Variants in SERPINB5 observed in about 807,000 individuals in gnomAD.
SERPINB5 encodes serpin B5.
In SERPINB5, 27 loss-of-function variants were observed where a neutral mutation model predicts 32.2. The ratio of observed to expected loss-of-function variants is 0.84; its 90% CI spans 0.62 to 1.16. The LOEUF is 1.16. Ranked by LOEUF, SERPINB5 falls within the 50% of genes most tolerant of loss-of-function variation. SERPINB5 has a pLI of 0.00. For missense variants in SERPINB5, 388 were observed against 436.3 expected (o/e 0.89, Z 0.99); for synonymous variants, 154 against 157.4 (o/e 0.98, Z 0.16).
rs773690640 is a variant in SERPINB5 at position 63,503,769 on chromosome 18, G to A, written c.*47G>A. On this transcript the variant is annotated 3_prime_UTR_variant, in exon 7 of 7. Coordinates refer to ENST00000382771, the MANE Select transcript of SERPINB5 (RefSeq NM_002639.5). Reference sequence around the variant, plus strand: ...CCTCCCTGACTTTTCTGTGGATGCCGATTTCTGTAAACTCTGCATCCAGAG... The same window carrying A: ...CCTCCCTGACTTTTCTGTGGATGCCAATTTCTGTAAACTCTGCATCCAGAG... 9.0e-5 allele frequency: 141 copies of A among 1,565,488 alleles called. No individual in the cohort carries two copies. Among genetic ancestry groups the A allele is most frequent in the Admixed American group, 1.8e-4 (10 of 54,548 alleles).
intron 4 of SERPINB5, among the ~76,000 whole-genome samples, chr18:63,491,516 C>T (rs889512727): frequency 2.6e-5 from 4 of 151,246 alleles, no homozygotes; most frequent in African/African-American, 9.7e-5. Context: ...GCTCTGTCGC[C>T]CAGGCTGGAG....
Position 63,493,061 on chromosome 18 carries a change from C to G in SERPINB5, c.533C>G (p.Ser178Ter). 6.2e-7 allele frequency: 1 copy of G among 1,614,178 alleles called. No individual in the cohort carries two copies. The highest frequency in any genetic ancestry group is 1.1e-5 in the South Asian group (1 of 91,082). The change falls in exon 5 of 7, where the codon TCA becomes TGA. Residue 178 changes from serine (S) to a stop codon, truncating the protein, a stop_gained. Coordinates refer to ENST00000382771, the MANE Select transcript of SERPINB5 (RefSeq NM_002639.5). LOFTEE classifies it high-confidence loss of function. ...AAGTGGATGAAGAAATTTTCTGAAT[C>G]AGAAACAAAAGAATGTCCTTTCAGA... ...VGKWMKKFSE[S>*]ETKECPFRVN...
intron 5 of SERPINB5, among the ~76,000 whole-genome samples, chr18:63,496,571 A>T (rs1221623434): frequency 1.3e-5 from 2 of 152,232 alleles, no homozygotes; most frequent in Non-Finnish European, 2.9e-5. Flanking sequence ...GGTATATACA[A>T]AAGTAAAATA....
intron 4 of SERPINB5, among the ~76,000 whole-genome samples, chr18:63,492,429 A>T (rs923758948): frequency 6.6e-6 from 1 of 152,224 alleles, no homozygotes; most frequent in Non-Finnish European, 1.5e-5. Context: ...TCTTTGCCTT[A>T]TAGGACCATT....
At chr18:63,490,153 C>T (rs1445838684) in intron 4 of SERPINB5, among the ~76,000 whole-genome samples, 1 of 152,094 alleles carries the variant, frequency 6.6e-6, no homozygotes, top group African/African-American at 2.4e-5. Flanking sequence ...GATCGCGCCA[C>T]TGCACTCCAG....
At chr18:63,494,182 C>A (rs1378324615) in intron 5 of SERPINB5, among the ~76,000 whole-genome samples, 1 of 151,848 alleles carries the variant, frequency 6.6e-6, no homozygotes, top group Non-Finnish European at 1.5e-5. Flanking sequence ...ATTAGCTGGG[C>A]ATGGTGGCAT....
chr18:63,482,794 C>T (rs1867426991), intron 1 of SERPINB5, among the ~76,000 whole-genome samples: 4 of 151,090 alleles, frequency 2.6e-5, no homozygotes, highest in Admixed American at 2.6e-4. Context: ...AAACCAGACA[C>T]ATTTTGAAAT....
At chr18:63,487,207 C>G in intron 3 of SERPINB5, 124 bp downstream of exon 3, 1 of 930,012 alleles carries the variant, frequency 1.1e-6, no homozygotes, top group Middle Eastern at 3.5e-4. Flanking sequence ...TGATTTGAGG[C>G]TTTAAATAAA....
chr18:63,497,184 CGCAGCCAAGTTTATT>C (rs1180138745), intron 5 of SERPINB5: 9 of 674,218 alleles, frequency 1.3e-5, no homozygotes, highest in Admixed American at 7.2e-5. Context: ...ACATTGACAC[CGCAGCCAAGTTTATT>C]GGTGCTGAGG....
rs1471093189 is a variant in SERPINB5, at chr18:63,498,832, A to G, written c.568-288A>G. 7.1e-6 allele frequency among the ~76,000 whole-genome samples: 1 copy of G among 140,694 alleles called. No individual in the cohort carries two copies. The highest frequency in any genetic ancestry group is 1.6e-5 in the Non-Finnish European group (1 of 64,230). The allele number at this position is 140,694 out of a possible 152,430, so 92.3% of individuals were successfully genotyped here. On this transcript the variant is annotated intron_variant, in intron 5 of 6. Transcript: ENST00000382771. The surrounding 1 kb of genome is among the most constrained non-coding windows in gnomAD (Gnocchi z 4.2). ...GCATGTGTGTATATATGTATGGGGT[A>G]TATATATATAGTATGTATATATAAG...
At chr18:63,492,866 G>T (rs1338560258) in intron 4 of SERPINB5, 87 bp from the exon 5 acceptor site, 9 of 1,501,878 alleles carry the variant, frequency 6.0e-6, no homozygotes, top group Non-Finnish European at 8.2e-6. Flanking sequence ...CCATGAAGTG[G>T]TAAATACTCA....
chr18:63,478,758 G>GTTTTTTT (rs10669993), intron 1 of SERPINB5, among the ~76,000 whole-genome samples: 10 of 135,378 alleles, frequency 7.4e-5, no homozygotes, highest in Non-Finnish European at 7.7e-5. Flanking sequence ...TAAAAACGTA[G>GTTTTTTT]TTTTTTTTTT....
chr18:63,490,371 TGCCGGTGA>T (rs1909301648), intron 4 of SERPINB5, among the ~76,000 whole-genome samples: 1 of 152,026 alleles, frequency 6.6e-6, no homozygotes, highest in Admixed American at 6.5e-5. Flanking sequence ...CCCTTAAAAT[TGCCGGTGA>T]GTCGTCTTCC....
intron 1 of SERPINB5, among the ~76,000 whole-genome samples, chr18:63,482,732 C>CT (rs1261309028): frequency 1.3e-5 from 2 of 150,276 alleles, no homozygotes; most frequent in Non-Finnish European, 2.9e-5. Flanking sequence ...AGAACTGTTT[C>CT]TTTAAAAAAA....
chr18:63,486,012 A>G (rs1463913078), intron 2 of SERPINB5: 5 of 152,202 alleles, frequency 3.3e-5, no homozygotes, highest in African/African-American at 1.2e-4. Flanking sequence ...ACAATAAAAA[A>G]AAAAAAGGAA....
At position 63,503,425 on chromosome 18, in the gene SERPINB5, G is replaced by C. The variant is rs2144513305; in HGVS notation, c.831G>C (p.Lys277Asn). ...TCAAACTCTCCATTCCAAAATTTAA[G>C]GTGGAAAAGATGATTGATCCCAAGG... ...AKVKLSIPKF[K>N]VEKMIDPKAC... Residue 277 changes from lysine to asparagine, a missense_variant, in exon 7 of 7, where the codon AAG becomes AAC. Lys to Asn is a moderately conservative substitution (Grantham distance 94). Transcript: ENST00000382771. 6.2e-7 allele frequency: 1 copy of C among 1,614,228 alleles called. No homozygotes were observed. The highest frequency in any genetic ancestry group is 8.5e-7 in the Non-Finnish European group (1 of 1,180,042).
At chr18:63,483,316 A>C (rs1421583525) in intron 1 of SERPINB5, among the ~76,000 whole-genome samples, 1 of 152,234 alleles carries the variant, frequency 6.6e-6, no homozygotes, top group Non-Finnish European at 1.5e-5. Flanking sequence ...AGCTTAGAGA[A>C]GGAGGAGGTC....
In SERPINB5 at chr18:63,491,357, G is replaced by A. The variant is rs538289024; in HGVS notation, c.425-1596G>A. Among the ~76,000 whole-genome samples, 18 of 140,688 alleles carry A rather than the reference G, an allele frequency of 1.3e-4. No individual in the cohort carries two copies. In the East Asian group the frequency reaches 1.3e-3, roughly 10 times the overall value. The allele number at this position is 140,688 out of a possible 152,430, so 92.3% of individuals were successfully genotyped here. A position where few individuals can be genotyped will look rare whatever the true frequency, so the allele number is the denominator to read the frequency against. The stretch of plus-strand genomic sequence containing the variant: ...GCGGAGGTTGCAATGAGCTGAGATC[G>A]CGCCATTGCACTCCAGCCTGGGTGA... On this transcript the variant is annotated intron_variant, in intron 4 of 6. Transcript: ENST00000382771.
At chr18:63,485,059 T>C (rs996859196) in intron 2 of SERPINB5, among the ~76,000 whole-genome samples, 2 of 152,176 alleles carry the variant, frequency 1.3e-5, no homozygotes, top group African/African-American at 4.8e-5. Context: ...CGCTTGTAGG[T>C]AATGCAACTC....
Sources: gnomAD v4.1 joint callset for allele counts (sites outside exome capture counted in the v4.1 genomes callset) on GRCh38, gnomAD v4.1.1 for gene constraint, Gnocchi (gnomAD v3.1) non-coding constraint, MANE v1.5 for transcripts, NCBI Gene and HGNC (gene_info 2026-07-23, HGNC 2026-07-21) for gene names.